Variants in DOCK1 observed in about 807,000 individuals in gnomAD.
The protein encoded by DOCK1 is dedicator of cytokinesis protein 1.
Under a neutral mutation model 262.7 loss-of-function variants are expected in DOCK1, and 138 were observed. The observed-to-expected ratio is 0.53, with a 90% CI of 0.46 to 0.61. The LOEUF (loss-of-function observed/expected upper bound fraction) is 0.61. DOCK1 is among the 20% of genes least tolerant of loss of function. DOCK1 has a pLI of 0.00. For missense variants in DOCK1, 1,908 were observed against 2,370.7 expected, an observed-to-expected ratio of 0.80 and a Z score of 4.05; for synonymous variants, 866 against 867.4, an observed-to-expected ratio of 1.00 and a Z score of 0.03.
intron 23 of DOCK1, among the ~76,000 whole-genome samples, chr10:127,064,293 A>G (rs2045720571): frequency 6.6e-6 from 1 of 152,150 alleles, no homozygotes; most frequent in Non-Finnish European, 1.5e-5. Context: ...AATTTTTAGC[A>G]GAGAAAGGCT....
At chr10:126,939,279 C>T (rs993412235) in intron 1 of DOCK1, among the ~76,000 whole-genome samples, 4 of 152,182 alleles carry the variant, frequency 2.6e-5, no homozygotes, top group Non-Finnish European at 5.9e-5. Flanking sequence ...AAAACGATGA[C>T]ATTGGCTATT....
At chr10:126,951,912 C>T (rs1240857057) in intron 1 of DOCK1, among the ~76,000 whole-genome samples, 1 of 146,896 alleles carries the variant, frequency 6.8e-6, no homozygotes, top group Non-Finnish European at 1.5e-5. Flanking sequence ...TGCAGTGGTG[C>T]GATCTCGGCT....
chr10:127,007,316 T>C (rs1342641946), intron 10 of DOCK1: 2 of 151,968 alleles, frequency 1.3e-5, no homozygotes, highest in Non-Finnish European at 2.9e-5. Flanking sequence ...CCCTCCTCCT[T>C]TTTGGAGGGT....
At chr10:127,321,977 C>T (rs2062552666) in intron 29 of DOCK1, among the ~76,000 whole-genome samples, 1 of 151,910 alleles carries the variant, frequency 6.6e-6, no homozygotes, top group Non-Finnish European at 1.5e-5. Context: ...GTGGCACACA[C>T]TTGTAATCCC....
chr10:127,132,427 G>T (rs1308785974), intron 27 of DOCK1, among the ~76,000 whole-genome samples: 1 of 152,174 alleles, frequency 6.6e-6, no homozygotes, highest in Non-Finnish European at 1.5e-5. Flanking sequence ...GAACAAAAAG[G>T]TCATTTTATC....
intron 27 of DOCK1, among the ~76,000 whole-genome samples, chr10:127,135,082 G>A (rs977757235): frequency 3.3e-5 from 5 of 152,310 alleles, no homozygotes; most frequent in South Asian, 4.1e-4. Flanking sequence ...ATGCCACAGT[G>A]TACTGTGGCA....
intron 35 of DOCK1, among the ~76,000 whole-genome samples, chr10:127,378,640 C>T (rs538762746): frequency 1.2e-3 from 187 of 152,044 alleles, no homozygotes; most frequent in Non-Finnish European, 9.6e-4. Context: ...ATGATATTCC[C>T]GTTGTGAAAT....
chr10:126,981,434 C>CTGTCTTT (rs1310267732), intron 3 of DOCK1, among the ~76,000 whole-genome samples: 2 of 152,190 alleles, frequency 1.3e-5, no homozygotes, highest in Non-Finnish European at 2.9e-5. Context: ...GAAATTCGGC[C>CTGTCTTT]TGTCTTTCTG....
intron 1 of DOCK1, among the ~76,000 whole-genome samples, chr10:126,923,509 A>G (rs1417589796): frequency 6.6e-6 from 1 of 152,026 alleles, no homozygotes; most frequent in Non-Finnish European, 1.5e-5. Context: ...CTGTAATCCC[A>G]GGTACTCGGG....
chr10:127,353,347 G>T (rs1457381002), intron 31 of DOCK1, among the ~76,000 whole-genome samples: 1 of 152,182 alleles, frequency 6.6e-6, no homozygotes, highest in Non-Finnish European at 1.5e-5. Context: ...GGGAATGGGG[G>T]AGCCAGCACT....
At chr10:127,233,795 T>G (rs1234150226) in intron 27 of DOCK1, among the ~76,000 whole-genome samples, 3 of 152,252 alleles carry the variant, frequency 2.0e-5, no homozygotes, top group Non-Finnish European at 4.4e-5. Context: ...TTTAATTTTA[T>G]TATAGTTTGA....
chr10:127,227,846 C>T (rs563400362), intron 27 of DOCK1, among the ~76,000 whole-genome samples: 2 of 152,272 alleles, frequency 1.3e-5, no homozygotes, highest in East Asian at 3.9e-4. Context: ...GACACTGGCT[C>T]AGACAGTCAA....
chr10:127,110,290 G>C lies in DOCK1; in HGVS notation c.2559G>C (p.Leu853Phe). Reference sequence around the variant, plus strand: ...TCATCCTCAATGTTCCCATGGGCTTGCTGACCATCCAGAAACTCTACTGCT... The same window carrying C: ...TCATCCTCAATGTTCCCATGGGCTTCCTGACCATCCAGAAACTCTACTGCT... ...TEFILNVPMG[L>F]LTIQKLYCLI... The change falls in exon 25 of 52, where the codon TTG becomes TTC. Residue 853 changes from leucine to phenylalanine, a missense_variant. Physicochemically the swap from Leu to Phe is conservative, Grantham distance 22 (BLOSUM62 0). Transcript: ENST00000623213. The C allele has an allele frequency of 1.9e-6, 3 of 1,613,620 alleles. No individual in the cohort carries two copies. The South Asian group carries it at 3.3e-5, about 18-fold the overall frequency.
intron 1 of DOCK1, among the ~76,000 whole-genome samples, chr10:126,952,617 GTAT>G (rs1160591082): frequency 6.6e-6 from 1 of 150,558 alleles, no homozygotes; most frequent in African/African-American, 2.4e-5. Context: ...ATTCTTGGTA[GTAT>G]TGTTGGTGAT....
At chr10:127,441,701 C>T (rs2070156547) in intron 49 of DOCK1, among the ~76,000 whole-genome samples, 1 of 149,722 alleles carries the variant, frequency 6.7e-6, no homozygotes, top group South Asian at 2.1e-4. Context: ...ACCCCCCCAC[C>T]ACCCCCACTG....
At chr10:126,928,452 G>A (rs1196576369) in intron 1 of DOCK1, among the ~76,000 whole-genome samples, 1 of 147,230 alleles carries the variant, frequency 6.8e-6, no homozygotes, top group Non-Finnish European at 1.5e-5. Flanking sequence ...TTTAATCCAG[G>A]ATGCCTGGTG....
intron 27 of DOCK1, among the ~76,000 whole-genome samples, chr10:127,171,329 G>A (rs1486535300): frequency 6.6e-6 from 1 of 152,216 alleles, no homozygotes; most frequent in African/African-American, 2.4e-5. Flanking sequence ...ACTCAATAGT[G>A]AAAAGAAGTC....
intron 27 of DOCK1, chr10:127,136,149 G>GT (rs1226753881): frequency 5.3e-5 from 8 of 151,966 alleles, no homozygotes; most frequent in African/African-American, 9.7e-5. Flanking sequence ...CTGCAGTGTT[G>GT]TTTGGCCCCC....
intron 33 of DOCK1, among the ~76,000 whole-genome samples, chr10:127,371,657 G>A (rs1461875231): frequency 6.6e-6 from 1 of 152,256 alleles, no homozygotes; most frequent in African/African-American, 2.4e-5. Context: ...ATTGAATCAT[G>A]TTTTGATTAA....
Sources: gnomAD v4.1 joint callset for allele counts (sites outside exome capture counted in the v4.1 genomes callset) on GRCh38, gnomAD v4.1.1 for gene constraint, MANE v1.5 for transcripts, NCBI Gene and HGNC (gene_info 2026-07-23, HGNC 2026-07-21) for gene names.